DPYS: variants seen among roughly 807,000 people sequenced by gnomAD.
The protein encoded by DPYS is dihydropyrimidine amidohydrolase.
In DPYS, 39 loss-of-function variants were observed where a neutral mutation model predicts 50.3. The observed-to-expected ratio is 0.78, with a 90% CI of 0.60 to 1.01. The LOEUF (loss-of-function observed/expected upper bound fraction) is 1.01. Ranked by LOEUF, DPYS falls within the 50% of genes least tolerant of loss-of-function variation. The probability of loss-of-function intolerance (pLI) is 0.00; values close to 1 mark genes in which losing one functional copy is unlikely to be tolerated. For synonymous variants in DPYS, 245 were observed against 250.7 expected, an observed-to-expected ratio of 0.98 and a Z score of 0.22; for missense variants, 659 against 680.9, an observed-to-expected ratio of 0.97 and a Z score of 0.36.
intron 7 of DPYS, among the ~76,000 whole-genome samples, chr8:104,410,017 C>A (rs1812121517): frequency 1.3e-5 from 2 of 152,118 alleles, no homozygotes; most frequent in Admixed American, 1.3e-4. Flanking sequence ...CTAATTAGAT[C>A]CTAAGTTCCC....
chr8:104,381,927 C>T (rs1811066340), intron 8 of DPYS, among the ~76,000 whole-genome samples: 1 of 150,534 alleles, frequency 6.6e-6, no homozygotes, highest in South Asian at 2.1e-4. Context: ...CTCATTTTGA[C>T]CACCCAAACT....
chr8:104,390,864 C>A (rs1811364279), intron 8 of DPYS, among the ~76,000 whole-genome samples: 1 of 152,080 alleles, frequency 6.6e-6, no homozygotes. Context: ...TGACAGAGAC[C>A]TTAGCAGTGT....
At chr8:104,439,998 AT>A (rs1474616017) in intron 4 of DPYS, among the ~76,000 whole-genome samples, 1 of 152,208 alleles carries the variant, frequency 6.6e-6, no homozygotes, top group Non-Finnish European at 1.5e-5. Context: ...CCTCAATTTC[AT>A]CAGTCACAAA....
chr8:104,417,543 A>G (rs555871644), intron 7 of DPYS, among the ~76,000 whole-genome samples: 1 of 152,366 alleles, frequency 6.6e-6, no homozygotes, highest in Admixed American at 6.5e-5. Flanking sequence ...TTCTACAGAA[A>G]TGGGTCAGAC....
chr8:104,466,387 C>T (rs148394148), intron 1 of DPYS, among the ~76,000 whole-genome samples: 1 of 152,182 alleles, frequency 6.6e-6, no homozygotes, highest in Non-Finnish European at 1.5e-5. Context: ...TGGCCTTAAA[C>T]TCGTCAAATT....
chr8:104,423,048 C>T (rs1483317007), intron 7 of DPYS, among the ~76,000 whole-genome samples: 1 of 152,146 alleles, frequency 6.6e-6, no homozygotes, highest in Admixed American at 6.5e-5. Flanking sequence ...TGTATGCAAC[C>T]AGATATTTAG....
At chr8:104,402,738 G>C (rs1256209007) in intron 7 of DPYS, among the ~76,000 whole-genome samples, 2 of 152,154 alleles carry the variant, frequency 1.3e-5, no homozygotes. Flanking sequence ...TTCAGTTCTA[G>C]CTCCATATTT....
intron 4 of DPYS, among the ~76,000 whole-genome samples, chr8:104,442,255 T>C (rs1564106154): frequency 6.6e-6 from 1 of 152,338 alleles, no homozygotes; most frequent in Non-Finnish European, 1.5e-5. Context: ...ATGTTCTGTA[T>C]TCTAAAACCC....
At chr8:104,398,820 A>G (rs1466596624) in intron 7 of DPYS, among the ~76,000 whole-genome samples, 2 of 152,144 alleles carry the variant, frequency 1.3e-5, no homozygotes, top group South Asian at 4.1e-4. Flanking sequence ...ATTTCACTGT[A>G]ATGAAACATC....
intron 4 of DPYS, among the ~76,000 whole-genome samples, chr8:104,435,908 TAAAGA>T (rs1813125711): frequency 6.6e-6 from 1 of 151,882 alleles, no homozygotes; most frequent in Admixed American, 6.6e-5. Context: ...CAATAATTCA[TAAAGA>T]AAAGTTAGGG....
chr8:104,419,802 C>T (rs1386554175), intron 7 of DPYS: 2 of 152,064 alleles, frequency 1.3e-5, no homozygotes, highest in Non-Finnish European at 2.9e-5. Context: ...GACACATGAC[C>T]ACTAAATGTA....
In DPYS at chr8:104,466,881, C is replaced by T. The variant is rs778558365; in HGVS notation, c.40G>A (p.Val14Met). ...ACCTCCGAGAAGTCATCGTTGACCA[C>T]GCGACCCCCGCGGATCAGGAGCCGC... ...PSRLLIRGGR[V>M]VNDDFSEVAD... Residue 14 changes from valine (V) to methionine (M), a missense_variant, in exon 1 of 10, where the codon GTG (valine) becomes ATG (methionine). Coordinates refer to ENST00000351513, the MANE Select transcript of DPYS (RefSeq NM_001385.3). The T allele has an allele frequency of 1.1e-5, 16 of 1,515,960 alleles. No individual in the cohort carries two copies. Among genetic ancestry groups the T allele is most frequent in the Non-Finnish European group, 1.2e-5 (14 of 1,138,368 alleles). 93.9% of individuals were successfully genotyped at this position (1,515,960 alleles called of 1,614,324 possible).
chr8:104,428,252 A>T (rs747452455), intron 5 of DPYS, 131 bp from the exon 6 acceptor site: 3 of 1,192,446 alleles, frequency 2.5e-6, no homozygotes, highest in Non-Finnish European at 2.5e-6. Flanking sequence ...GAGAATGAGC[A>T]GTTTTTTCAA....
At chr8:104,380,963 T>C in intron 9 of DPYS, 2 of 490,532 alleles carry the variant, frequency 4.1e-6, no homozygotes, top group Middle Eastern at 5.8e-4. Context: ...GAATGTTTCC[T>C]AACATCTTAA....
chr8:104,389,534 C>CTTTTA (rs201480407), intron 8 of DPYS, among the ~76,000 whole-genome samples: 5,789 of 128,542 alleles, frequency 0.045, 260 homozygotes, highest in African/African-American at 0.16. Flanking sequence ...TATTTTCTTC[C>CTTTTA]TTTTATTTTT....
At chr8:104,413,523 C>CT (rs1473089990) in intron 7 of DPYS, among the ~76,000 whole-genome samples, 2 of 152,054 alleles carry the variant, frequency 1.3e-5, no homozygotes, top group African/African-American at 2.4e-5. Context: ...AAATATTGTA[C>CT]TTTTTAAAAA....
intron 7 of DPYS, among the ~76,000 whole-genome samples, chr8:104,411,495 C>G (rs574761201): frequency 6.6e-6 from 1 of 152,206 alleles, no homozygotes; most frequent in East Asian, 1.9e-4. Flanking sequence ...ACAATCATAG[C>G]ACAGGATGAT....
At chr8:104,401,976 G>C (rs911308234) in intron 7 of DPYS, among the ~76,000 whole-genome samples, 2 of 152,176 alleles carry the variant, frequency 1.3e-5, no homozygotes, top group African/African-American at 4.8e-5. Context: ...ACAATAACTT[G>C]GAACTCTACC....
chr8:104,409,817 T>C (rs895171765), intron 7 of DPYS, among the ~76,000 whole-genome samples: 1 of 152,188 alleles, frequency 6.6e-6, no homozygotes, highest in Admixed American at 6.5e-5. Flanking sequence ...CATATCTACA[T>C]TTTACTGGGG....
Sources: allele counts gnomAD v4.1 joint callset (sites outside exome capture counted in the v4.1 genomes callset), GRCh38; gene constraint gnomAD v4.1.1; transcripts MANE v1.5; gene names NCBI Gene and HGNC (gene_info 2026-07-23, HGNC 2026-07-21).